TAF4: variants seen among roughly 807,000 people sequenced by gnomAD.
TAF4 encodes transcription initiation factor TFIID subunit 4.
TAF4 carries 9 observed loss-of-function variants against 90.3 expected under a neutral mutation model. The observed-to-expected ratio is 0.10, with a 90% CI of 0.06 to 0.17. TAF4 has a LOEUF of 0.17. TAF4 is among the 10% of genes least tolerant of loss of function. The pLI, the probability that TAF4 is intolerant of heterozygous loss-of-function variation, is 1.00. For synonymous variants in TAF4, 818 were observed against 638.9 expected, an observed-to-expected ratio of 1.28 and a Z score of -4.23; for missense variants, 1,351 against 1,370.7, an observed-to-expected ratio of 0.99 and a Z score of 0.23.
At chr20:62,060,979 C>G (rs2056086040) in intron 1 of TAF4, among the ~76,000 whole-genome samples, 1 of 152,232 alleles carries the variant, frequency 6.6e-6, no homozygotes, top group African/African-American at 2.4e-5. Flanking sequence ...TCTGGCCCAA[C>G]CTGACAGAAT....
chr20:62,047,766 A>G (rs1017452094), intron 1 of TAF4, among the ~76,000 whole-genome samples: 2 of 152,242 alleles, frequency 1.3e-5, no homozygotes, highest in Non-Finnish European at 2.9e-5. Flanking sequence ...TCGCCATGAG[A>G]AGAGTCGCCC....
chr20:61,979,142 CTT>C (rs1195595772), intron 14 of TAF4: 1 of 140,894 alleles, frequency 7.1e-6, no homozygotes, highest in Non-Finnish European at 1.6e-5. Context: ...CTCCCCCTCT[CTT>C]CTCAGGACTG....
At chr20:62,025,795 A>G (rs2055871364) in intron 1 of TAF4, among the ~76,000 whole-genome samples, 1 of 152,178 alleles carries the variant, frequency 6.6e-6, no homozygotes, top group South Asian at 2.1e-4. Context: ...ATAAAATTCT[A>G]AAACACACAG....
intron 14 of TAF4, among the ~76,000 whole-genome samples, chr20:61,986,179 T>C (rs878928093): frequency 1.4e-4 from 9 of 65,134 alleles, no homozygotes; most frequent in African/African-American, 2.6e-4. Context: ...CCATCCCCCA[T>C]CAAAGGAAAC....
At chr20:62,009,334 G>A (rs532702309) in intron 4 of TAF4, among the ~76,000 whole-genome samples, 160 bp from the exon 5 acceptor site, 1 of 152,328 alleles carries the variant, frequency 6.6e-6, no homozygotes, top group East Asian at 1.9e-4. Context: ...TGGGCCATGG[G>A]GCAGGCCAGC....
chr20:62,046,687 A>G (rs889126621), intron 1 of TAF4, among the ~76,000 whole-genome samples: 2 of 152,014 alleles, frequency 1.3e-5, no homozygotes, highest in Admixed American at 1.3e-4. Context: ...GCTTCTCCTA[A>G]CTGTCAGCGT....
chr20:62,017,248 T>A (rs1289578997), intron 1 of TAF4, among the ~76,000 whole-genome samples: 1 of 152,132 alleles, frequency 6.6e-6, no homozygotes, highest in Admixed American at 6.5e-5. Context: ...AAAGGAGGCT[T>A]CAGTGTCCGT....
At chr20:62,009,379 C>G (rs1036772911) in intron 4 of TAF4, among the ~76,000 whole-genome samples, 1 of 152,220 alleles carries the variant, frequency 6.6e-6, no homozygotes, top group Non-Finnish European at 1.5e-5. Flanking sequence ...GTCAGCATCT[C>G]CCTCAGCCCC....
intron 11 of TAF4, among the ~76,000 whole-genome samples, chr20:61,999,876 G>A (rs1254839583): frequency 4.6e-5 from 7 of 152,230 alleles, no homozygotes; most frequent in South Asian, 2.1e-4. Flanking sequence ...TTGAACCCAC[G>A]AGGCGGAGGC....
chr20:62,064,992 TGGCGGGGGCGGGGCGGC>T lies in TAF4; in HGVS notation c.802_818del (p.Ala268ThrfsTer188). On this transcript the variant is annotated frameshift_variant, in exon 1 of 15. Coordinates refer to ENST00000252996, the MANE Select transcript of TAF4 (RefSeq NM_003185.4). LOFTEE classifies it high-confidence loss of function. ...GGGCCAGAGTGGCGGGCGCGGGGGG[TGGCGGGGGCGGGGCGGC>T]GGCGGGGGCGGCGGGCGCGGGGGCG... is the stretch of plus-strand genomic sequence containing the variant. 8.5e-6 allele frequency: 1 copy of T among 118,076 alleles called. No individual in the cohort carries two copies. Among genetic ancestry groups the T allele is most frequent in the Non-Finnish European group, 9.9e-6 (1 of 100,932 alleles). The allele number at this position is 118,076 out of a possible 1,614,324, so 7.3% of individuals were successfully genotyped here.
chr20:62,005,330 C>A (rs143556250), intron 7 of TAF4: 2 of 152,280 alleles, frequency 1.3e-5, no homozygotes, highest in African/African-American at 4.8e-5. Context: ...CAGACTCACA[C>A]GTGGTCAGGA....
chr20:61,976,779 G>A (rs2055497396), intron 14 of TAF4, among the ~76,000 whole-genome samples: 1 of 152,216 alleles, frequency 6.6e-6, no homozygotes, highest in Non-Finnish European at 1.5e-5. Flanking sequence ...TGGGAGGCCT[G>A]GGGTTGGCTG....
chr20:62,065,227 G>A lies in TAF4; in HGVS notation c.584C>T (p.Ala195Val), dbSNP rs1397265411. 6.1e-6 allele frequency: 7 copies of A among 1,138,862 alleles called. No homozygotes were observed. In the African/African-American group the frequency reaches 1.1e-4, roughly 17 times the overall value. 70.5% of individuals were successfully genotyped at this position (1,138,862 alleles called of 1,614,324 possible). A position where few individuals can be genotyped will look rare whatever the true frequency, so the allele number is the denominator to read the frequency against. The change falls in exon 1 of 15, where the codon GCG (alanine) becomes GTG (valine). Residue 195 changes from alanine (A) to valine (V), a missense_variant. Physicochemically the swap from Ala to Val is moderately conservative, Grantham distance 64. This residue lies in a region of TAF4 where 782 missense variants were observed against 536.6 expected (regional missense o/e 1.46). Transcript: ENST00000252996. The part of the protein sequence containing the change: ...GPGKPAGPGA[A>V]QTLNGSAALL... ...CGCGGCGCTCCCATTCAAAGTTTGC[G>A]CGGCGCCGGGGCCGGCGGGCTTGCC...
intron 1 of TAF4, among the ~76,000 whole-genome samples, chr20:62,033,663 G>A (rs2055916221): frequency 6.6e-6 from 1 of 151,778 alleles, no homozygotes; most frequent in South Asian, 2.1e-4. Flanking sequence ...CTTGAACCCG[G>A]GAGGCAGAGG....
Position 62,065,259 on chromosome 20 carries a change from AGGGCCG to A in TAF4, c.546_551del (p.Pro186_Gly187del), listed in dbSNP as rs1306359476. On this transcript the variant is annotated inframe_deletion, in exon 1 of 15. Coordinates refer to ENST00000252996, the MANE Select transcript of TAF4 (RefSeq NM_003185.4). ...CGGGGCCGGCGGGCTTGCCAGGGCCAGGGCCGGGGCCGGGGCCGGGGCCGGGCCCGG... is the reference window on the plus strand; with the variant it reads ...CGGGGCCGGCGGGCTTGCCAGGGCCAGGGCCGGGGCCGGGGCCGGGCCCGG... 1.2e-4 allele frequency: 11 copies of A among 89,620 alleles called. No homozygotes were observed. In the Admixed American group the frequency reaches 3.4e-3, roughly 27 times the overall value. 5.6% of individuals were successfully genotyped at this position (89,620 alleles called of 1,614,324 possible). A position where few individuals can be genotyped will look rare whatever the true frequency, so the allele number is the denominator to read the frequency against.
intron 14 of TAF4, among the ~76,000 whole-genome samples, chr20:61,983,876 T>G (rs1212420650): frequency 6.6e-6 from 1 of 152,030 alleles, no homozygotes; most frequent in East Asian, 1.9e-4. Flanking sequence ...TCTCAGGGAT[T>G]GTAGGCTGGG....
At chr20:62,061,039 A>C (rs1384072445) in intron 1 of TAF4, among the ~76,000 whole-genome samples, 1 of 152,232 alleles carries the variant, frequency 6.6e-6, no homozygotes, top group Non-Finnish European at 1.5e-5. Flanking sequence ...GGGTAAGCCA[A>C]GGCTCCGAGG....
rs1007787214 is a variant in TAF4 at position 62,006,408 on chromosome 20, A to G, written c.2223+102T>C. On this transcript the variant is annotated intron_variant, in intron 7 of 14. Coordinates refer to ENST00000252996, the MANE Select transcript of TAF4 (RefSeq NM_003185.4). This position sits in a 1 kb window ranked among gnomAD's most constrained non-coding sequence, Gnocchi z 7.0. ...CTTCCTCTAGCAGGAGGCTTCCTGC[A>G]TGCTTGGAAAAGGTTTCTGAGCCGT... 47 of 1,286,948 alleles carry G rather than the reference A, an allele frequency of 3.7e-5. No homozygotes were observed. The highest frequency in any genetic ancestry group is 7.7e-5 in the Admixed American group (2 of 25,966). The allele number at this position is 1,286,948 out of a possible 1,614,324, so 79.7% of individuals were successfully genotyped here.
chr20:61,997,357 C>T (rs1034017057), intron 14 of TAF4, among the ~76,000 whole-genome samples, 193 bp downstream of exon 14: 12 of 152,224 alleles, frequency 7.9e-5, no homozygotes, highest in Non-Finnish European at 1.5e-4. Context: ...ACTTTCAGCT[C>T]AAGTGATAGC....
Sources: gnomAD v4.1 joint callset for allele counts (sites outside exome capture counted in the v4.1 genomes callset) on GRCh38, gnomAD v4.1.1 for gene constraint, gnomAD v4.1.1 regional missense constraint, Gnocchi (gnomAD v3.1) non-coding constraint, MANE v1.5 for transcripts, NCBI Gene and HGNC (gene_info 2026-07-23, HGNC 2026-07-21) for gene names.